The following MED12L variants were observed in gnomAD, a reference collection of about 807,000 sequenced individuals.
The protein encoded by MED12L is mediator complex subunit 12L.
Under a neutral mutation model 281.3 loss-of-function variants are expected in MED12L, and 60 were observed. That is an observed-to-expected ratio of 0.21 (90% CI 0.17 to 0.26). MED12L has a LOEUF of 0.26. Among genes scored for constraint, MED12L ranks in the 10% least tolerant of loss-of-function variants. MED12L has a pLI of 1.00. For synonymous variants in MED12L, 974 were observed against 987.2 expected (o/e 0.99, Z 0.25); for missense variants, 2,146 against 2,680.9 (o/e 0.80, Z 4.41).
chr3:151,218,494 C>T (rs773627542), intron 16 of MED12L, among the ~76,000 whole-genome samples: 8 of 152,090 alleles, frequency 5.3e-5, no homozygotes, highest in Non-Finnish European at 1.2e-4. Context: ...AACCTTGAGG[C>T]TTTAGGAATA....
intron 11 of MED12L, among the ~76,000 whole-genome samples, chr3:151,172,875 G>A (rs1721603059): frequency 6.6e-6 from 1 of 152,224 alleles, no homozygotes; most frequent in Admixed American, 6.5e-5. Flanking sequence ...ACACCCAAAG[G>A]AAGCGTTGCT....
At chr3:151,189,715 A>G (rs1004983922) in intron 13 of MED12L, among the ~76,000 whole-genome samples, 6 of 152,338 alleles carry the variant, frequency 3.9e-5, no homozygotes, top group Non-Finnish European at 5.9e-5. Flanking sequence ...TGTGTCTCCT[A>G]TTGGTGTTTG....
In MED12L at chr3:151,377,157, A is replaced by G. The variant is rs755442454; in HGVS notation, c.4295A>G (p.Asn1432Ser). The change falls in exon 30 of 45, where the codon AAT (asparagine) becomes AGT (serine). Residue 1432 changes from asparagine (N) to serine (S), a missense_variant. Physicochemically the swap from Asn to Ser is conservative, Grantham distance 46 (BLOSUM62 1). This residue lies in a region of MED12L where 235 missense variants were observed against 260.3 expected (regional missense o/e 0.90). Coordinates refer to ENST00000687756, the MANE Select transcript of MED12L (RefSeq NM_001393769.1). ...GSADTSSTRQ[N>S]GIKTFLSSSE... ...GCTGATACAAGTAGCACGAGACAGA[A>G]TGGAATAAAGACATTCCTAAGGTAT... 1.2e-6 allele frequency: 2 copies of G among 1,612,796 alleles called. No individual in the cohort carries two copies. Among genetic ancestry groups the G allele is most frequent in the Non-Finnish European group, 1.7e-6 (2 of 1,179,672 alleles).
chr3:151,333,574 A>G (rs1452726220), intron 16 of MED12L, among the ~76,000 whole-genome samples: 1 of 152,214 alleles, frequency 6.6e-6, no homozygotes, highest in Non-Finnish European at 1.5e-5. Flanking sequence ...TAGTTAGTTT[A>G]CGATAATAGT....
At chr3:151,192,365 A>G (rs889145986) in intron 14 of MED12L, among the ~76,000 whole-genome samples, 185 bp from the exon 15 acceptor site, 1 of 152,222 alleles carries the variant, frequency 6.6e-6, no homozygotes, top group African/African-American at 2.4e-5. Context: ...TCTCATGATG[A>G]GGGAAAAGAA....
chr3:151,308,089 G>A (rs918563732), intron 16 of MED12L, among the ~76,000 whole-genome samples: 2 of 152,156 alleles, frequency 1.3e-5, no homozygotes, highest in African/African-American at 4.8e-5. Flanking sequence ...ATTTTATATT[G>A]TAAGTGCTAT....
At chr3:151,174,167 C>T (rs1721771369) in intron 11 of MED12L, among the ~76,000 whole-genome samples, 2 of 152,112 alleles carry the variant, frequency 1.3e-5, no homozygotes, top group Admixed American at 6.6e-5. Flanking sequence ...GTCTTCAGAA[C>T]ATTTTGGATT....
At chr3:151,200,871 T>G (rs566766173) in intron 16 of MED12L, 1 of 152,322 alleles carries the variant, frequency 6.6e-6, no homozygotes, top group South Asian at 2.1e-4. Flanking sequence ...GTCCCTGCTT[T>G]ACAGATGAGG....
At chr3:151,213,191 A>G (rs1727467066) in intron 16 of MED12L, 1 of 794,592 alleles carries the variant, frequency 1.3e-6, no homozygotes, top group East Asian at 2.6e-5. Context: ...ATTGGATGGC[A>G]GTGCTAGAGA....
intron 21 of MED12L, among the ~76,000 whole-genome samples, chr3:151,362,580 C>A (rs182284119): frequency 5.9e-5 from 9 of 152,172 alleles, no homozygotes; most frequent in Admixed American, 2.0e-4. Context: ...CTTGCTACCC[C>A]CACTGTAGAT....
At chr3:151,223,345 TACTCA>T (rs1344727731) in intron 16 of MED12L, among the ~76,000 whole-genome samples, 4 of 152,182 alleles carry the variant, frequency 2.6e-5, no homozygotes, top group Non-Finnish European at 5.9e-5. Context: ...ACTAGGTATA[TACTCA>T]AAGAAAAACA....
intron 42 of MED12L, among the ~76,000 whole-genome samples, chr3:151,415,372 G>A (rs903475308): frequency 3.9e-5 from 6 of 152,192 alleles, no homozygotes; most frequent in African/African-American, 1.4e-4. Flanking sequence ...AGGTTCTAGA[G>A]GGCTAACTGG....
chr3:151,375,988 G>A (rs538332514), intron 27 of MED12L, 38 bp from the exon 28 acceptor site: 6 of 1,031,832 alleles, frequency 5.8e-6, no homozygotes, highest in Non-Finnish European at 8.0e-6. Context: ...TATACCGAAA[G>A]CCAGTGCCTG....
chr3:151,238,408 A>T (rs1733376582), intron 16 of MED12L, among the ~76,000 whole-genome samples: 1 of 152,168 alleles, frequency 6.6e-6, no homozygotes, highest in South Asian at 2.1e-4. Flanking sequence ...CAGCCTCCCA[A>T]AGTGCTGGGA....
chr3:151,397,422 A>C (rs1295630617), intron 39 of MED12L, among the ~76,000 whole-genome samples: 5 of 152,216 alleles, frequency 3.3e-5, no homozygotes, highest in Admixed American at 3.3e-4. Flanking sequence ...ACATCGAGCT[A>C]ATGAGATTTG....
intron 5 of MED12L, among the ~76,000 whole-genome samples, chr3:151,149,396 G>A (rs1718162297): frequency 1.3e-5 from 2 of 152,212 alleles, no homozygotes; most frequent in Admixed American, 1.3e-4. Flanking sequence ...ACACTGTATT[G>A]TAGTCCATTA....
chr3:151,096,475 G>A (rs1043046957), intron 2 of MED12L, among the ~76,000 whole-genome samples: 1 of 150,228 alleles, frequency 6.7e-6, no homozygotes, highest in African/African-American at 2.4e-5. Flanking sequence ...GAGACAAAGA[G>A]CAGTGGCATC....
rs561162330 is a variant in MED12L, at chr3:151,238,603, G to A, written c.2250+44937G>A. Among the ~76,000 whole-genome samples, 329 of 152,336 alleles carry A rather than the reference G, an allele frequency of 2.2e-3. 1 individual carries two copies. The highest frequency in any genetic ancestry group is 7.6e-3 in the African/African-American group (318 of 41,572). On this transcript the variant is annotated intron_variant, in intron 16 of 44. Transcript: ENST00000687756. Reference sequence around the variant, plus strand: ...GCACTGATGGTGCAAAAGCCATGATGTGTAAAATGTTCAGGTGTCTTAGCA... The same window carrying A: ...GCACTGATGGTGCAAAAGCCATGATATGTAAAATGTTCAGGTGTCTTAGCA...
chr3:151,360,209 C>T (rs775636546), intron 20 of MED12L, among the ~76,000 whole-genome samples: 3 of 152,128 alleles, frequency 2.0e-5, no homozygotes, highest in Admixed American at 6.5e-5. Flanking sequence ...TTCCTCCATA[C>T]GTACCTTCTT....
Sources: allele counts gnomAD v4.1 joint callset (sites outside exome capture counted in the v4.1 genomes callset), GRCh38; gene constraint gnomAD v4.1.1; regional missense constraint gnomAD v4.1.1; transcripts MANE v1.5; gene names NCBI Gene and HGNC (gene_info 2026-07-23, HGNC 2026-07-21).